The following CAPZB variants were observed in gnomAD, a reference collection of about 807,000 sequenced individuals.
CAPZB encodes capping actin protein of muscle Z-line subunit beta.
A neutral mutation model predicts 38.1 loss-of-function variants in CAPZB; 2 were observed. The ratio of observed to expected loss-of-function variants is 0.05; its 90% CI spans 0.02 to 0.17. The LOEUF is 0.17. CAPZB is among the 10% of genes least tolerant of loss of function. The pLI is 1.00. For missense variants in CAPZB, 161 were observed against 334.2 expected (o/e 0.48, Z 4.04); for synonymous variants, 107 against 127.4 (o/e 0.84, Z 1.08).
At chr1:19,345,346 T>C (rs2093954623) in intron 6 of CAPZB, 94 bp from the exon 7 acceptor site, 1 of 1,025,102 alleles carries the variant, frequency 9.8e-7, no homozygotes, top group African/African-American at 1.6e-5. Flanking sequence ...GCAAAGAGCC[T>C]ACTGTTCCCA....
intron 6 of CAPZB, among the ~76,000 whole-genome samples, chr1:19,346,471 A>G (rs1043512995): frequency 1.5e-5 from 2 of 133,550 alleles, no homozygotes; most frequent in African/African-American, 5.2e-5. Context: ...AAAAAAAAAA[A>G]AAAAAAAGAA....
chr1:19,362,773 A>C (rs984637801), intron 4 of CAPZB, among the ~76,000 whole-genome samples: 12 of 152,316 alleles, frequency 7.9e-5, no homozygotes, highest in Non-Finnish European at 1.2e-4. Context: ...ATCAATCCCC[A>C]CAGTCAAGAG....
intron 1 of CAPZB, among the ~76,000 whole-genome samples, chr1:19,436,469 A>G (rs1390419821): frequency 2.6e-5 from 4 of 152,184 alleles, no homozygotes; most frequent in Non-Finnish European, 5.9e-5. Context: ...TTTAAGTGCA[A>G]TTTCTCAATT....
chr1:19,420,032 C>T (rs1280680939), intron 1 of CAPZB: 3 of 395,882 alleles, frequency 7.6e-6, no homozygotes, highest in South Asian at 3.4e-5. Context: ...CACCGGCTCC[C>T]CTGCTCCTGC....
chr1:19,401,072 G>A (rs2094300780), intron 2 of CAPZB, among the ~76,000 whole-genome samples: 1 of 152,092 alleles, frequency 6.6e-6, no homozygotes, highest in East Asian at 1.9e-4. Flanking sequence ...ACGGACACCA[G>A]GGGCATCCCT....
intron 2 of CAPZB, among the ~76,000 whole-genome samples, chr1:19,398,878 C>CTT (rs35605042): frequency 8.2e-4 from 116 of 140,884 alleles, no homozygotes; most frequent in African/African-American, 2.8e-3. Context: ...CTGCACAACT[C>CTT]TTTTTTTTTT....
chr1:19,392,040 A>G (rs1038982402), intron 2 of CAPZB, among the ~76,000 whole-genome samples: 1 of 152,128 alleles, frequency 6.6e-6, no homozygotes, highest in East Asian at 1.9e-4. Context: ...AAAATTAGCC[A>G]GGTGTGGTGG....
At chr1:19,462,563 T>C (rs570603832) in intron 1 of CAPZB, among the ~76,000 whole-genome samples, 1 of 152,302 alleles carries the variant, frequency 6.6e-6, no homozygotes, top group Admixed American at 6.5e-5. Flanking sequence ...TAACTCCTGA[T>C]AGTCCAACAG....
At position 19,339,144 on chromosome 1, in the gene CAPZB, T is replaced by TTCACACACCAC. The variant is rs2100208644; in HGVS notation, c.*385_*386insGTGGTGTGTGA. On this transcript the variant is annotated 3_prime_UTR_variant, in exon 9 of 9. Coordinates refer to ENST00000264202, the MANE Select transcript of CAPZB (RefSeq NM_004930.5). ...TCTTCTCTCTTTCACACACCACAGT[T>TTCACACACCAC]AGTTCATAAAATTTTTTTGTTTTAC... is the stretch of plus-strand genomic sequence containing the variant. 4.6e-6 allele frequency: 1 copy of TTCACACACCAC among 215,480 alleles called. No homozygotes were observed. The highest frequency in any genetic ancestry group is 9.4e-6 in the Non-Finnish European group (1 of 106,392). 13.3% of individuals were successfully genotyped at this position (215,480 alleles called of 1,614,324 possible).
chr1:19,479,513 C>T lies in CAPZB; in HGVS notation c.3+5923G>A, dbSNP rs147617809. 3.7e-3 allele frequency among the ~76,000 whole-genome samples: 569 copies of T among 152,308 alleles called. 7 individuals carry two copies. Among genetic ancestry groups the T allele is most frequent in the African/African-American group, 0.012 (519 of 41,544 alleles). On this transcript the variant is annotated intron_variant, in intron 1 of 8. Coordinates refer to ENST00000264202, the MANE Select transcript of CAPZB (RefSeq NM_004930.5). ...TCAATGATAAACTGTCCAATCAGAACACCTACATGGGACAGCTCTGGGGCA... is the reference window on the plus strand; with the variant it reads ...TCAATGATAAACTGTCCAATCAGAATACCTACATGGGACAGCTCTGGGGCA...
chr1:19,442,908 A>T (rs1321918925), intron 1 of CAPZB, among the ~76,000 whole-genome samples: 1 of 152,090 alleles, frequency 6.6e-6, no homozygotes, highest in Non-Finnish European at 1.5e-5. Context: ...CGGCGCAAAC[A>T]ACCTCTACGC....
chr1:19,425,151 G>A (rs918327016), intron 1 of CAPZB, among the ~76,000 whole-genome samples: 3 of 152,192 alleles, frequency 2.0e-5, no homozygotes, highest in Non-Finnish European at 2.9e-5. Context: ...ACTGTCACCT[G>A]GTGGCTAAGA....
chr1:19,448,889 C>T, intron 1 of CAPZB: 1 of 1,612,900 alleles, frequency 6.2e-7, no homozygotes, highest in Middle Eastern at 1.6e-4. Flanking sequence ...GCGAGAGAAC[C>T]CTGTATCCTG....
chr1:19,372,035 C>G (rs2094122083), intron 4 of CAPZB, among the ~76,000 whole-genome samples: 1 of 152,232 alleles, frequency 6.6e-6, no homozygotes, highest in South Asian at 2.1e-4. Flanking sequence ...CCCTTGGGCC[C>G]TGGGACTGCC....
At chr1:19,367,795 G>A (rs935364795) in intron 4 of CAPZB, among the ~76,000 whole-genome samples, 10 of 152,266 alleles carry the variant, frequency 6.6e-5, no homozygotes, top group South Asian at 4.1e-4. Flanking sequence ...TCGCTTTTAC[G>A]AGGCTTTTAT....
At chr1:19,438,020 T>C (rs1013219527) in intron 1 of CAPZB, among the ~76,000 whole-genome samples, 1 of 152,122 alleles carries the variant, frequency 6.6e-6, no homozygotes, top group African/African-American at 2.4e-5. Context: ...ATGCTCAGCT[T>C]TCCAGTAGTG....
intron 3 of CAPZB, among the ~76,000 whole-genome samples, chr1:19,383,997 A>T (rs1039396): frequency 1 from 151,590 of 152,302 alleles, 75,446 homozygotes; most frequent in Middle Eastern, 1. Flanking sequence ...GCAAAATATA[A>T]TCTCTACCTA....
intron 1 of CAPZB, chr1:19,484,324 A>G (rs768163439): frequency 6.3e-7 from 1 of 1,590,644 alleles, no homozygotes; most frequent in Non-Finnish European, 8.6e-7. Flanking sequence ...TGGCCCCCCA[A>G]GGCCACGGCC....
chr1:19,441,793 A>C (rs2094477469), intron 1 of CAPZB, among the ~76,000 whole-genome samples: 1 of 152,088 alleles, frequency 6.6e-6, no homozygotes, highest in Admixed American at 6.5e-5. Context: ...AGATCACCTA[A>C]GGTCAGGAGT....
Sources: allele counts gnomAD v4.1 joint callset (sites outside exome capture counted in the v4.1 genomes callset), GRCh38; gene constraint gnomAD v4.1.1; transcripts MANE v1.5; gene names NCBI Gene and HGNC (gene_info 2026-07-23, HGNC 2026-07-21).